The following NCAM1 variants were observed in gnomAD, a reference collection of about 807,000 sequenced individuals.
NCAM1 encodes the protein antigen recognized by monoclonal antibody 5.1H11.
A neutral mutation model predicts 109.8 loss-of-function variants in NCAM1; 14 were observed. The observed-to-expected ratio is 0.13, with a 90% confidence interval of 0.08 to 0.20. The LOEUF (loss-of-function observed/expected upper bound fraction) is 0.20. Among genes scored for constraint, NCAM1 ranks in the 10% least tolerant of loss-of-function variants. The pLI is 1.00. For missense variants in NCAM1, 774 were observed against 1,109.9 expected (o/e 0.70, Z 4.30); for synonymous variants, 418 against 442.9 (o/e 0.94, Z 0.70).
At chr11:113,043,259 A>G (rs1180903493) in intron 1 of NCAM1, among the ~76,000 whole-genome samples, 1 of 152,152 alleles carries the variant, frequency 6.6e-6, no homozygotes, top group Non-Finnish European at 1.5e-5. Context: ...TGTGGTCATC[A>G]ATACAGACCA....
chr11:113,125,014 A>G (rs1941120553), intron 1 of NCAM1, among the ~76,000 whole-genome samples: 1 of 152,248 alleles, frequency 6.6e-6, no homozygotes, highest in African/African-American at 2.4e-5. Flanking sequence ...ATATGAGCAT[A>G]TGTAATGTTT....
intron 4 of NCAM1, 66 bp downstream of exon 4, chr11:113,205,732 T>G: frequency 6.5e-7 from 1 of 1,548,656 alleles, no homozygotes; most frequent in East Asian, 2.3e-5. Context: ...CTTTTTCACC[T>G]GTACTGAGGC....
intron 1 of NCAM1, among the ~76,000 whole-genome samples, chr11:113,174,006 T>G (rs11214529): frequency 0.093 from 14,116 of 152,160 alleles, 934 homozygotes; most frequent in East Asian, 0.27. Flanking sequence ...ATGTTACCTT[T>G]GTCATTGTGT....
Position 113,099,755 on chromosome 11 carries a change from C to T in NCAM1, c.53-102624C>T, listed in dbSNP as rs543705046. 7.4e-4 allele frequency among the ~76,000 whole-genome samples: 112 copies of T among 152,172 alleles called. 2 individuals carry two copies. The highest frequency in any genetic ancestry group is 2.6e-3 in the African/African-American group (107 of 41,498). On this transcript the variant is annotated intron_variant, in intron 1 of 19. Transcript: ENST00000316851. ...CTAGGCTGGAGTGTAGTGGTGTGAT[C>T]TCAGCTCACTGCGACCTCCGCCTCC... is the stretch of plus-strand genomic sequence containing the variant.
At chr11:113,067,524 T>C (rs1555084437) in intron 1 of NCAM1, among the ~76,000 whole-genome samples, 1 of 152,242 alleles carries the variant, frequency 6.6e-6, no homozygotes, top group Admixed American at 6.5e-5. Context: ...CATTAGTGTT[T>C]AATTCAATGA....
intron 1 of NCAM1, among the ~76,000 whole-genome samples, chr11:113,139,956 CTTAGAG>C (rs1490571996): frequency 6.6e-6 from 1 of 152,160 alleles, no homozygotes; most frequent in African/African-American, 2.4e-5. Flanking sequence ...ATTGTAACAT[CTTAGAG>C]TTAGAAATTC....
intron 1 of NCAM1, among the ~76,000 whole-genome samples, chr11:113,081,069 C>T (rs1555087082): frequency 6.6e-6 from 1 of 152,150 alleles, no homozygotes; most frequent in Non-Finnish European, 1.5e-5. Context: ...ATTTAGTTCT[C>T]TCAACATCAG....
intron 1 of NCAM1, among the ~76,000 whole-genome samples, chr11:112,964,402 C>T (rs1237027130): frequency 6.6e-6 from 1 of 151,912 alleles, no homozygotes; most frequent in Non-Finnish European, 1.5e-5. Flanking sequence ...AAGAATTGTT[C>T]GCTTGAACGA....
chr11:113,097,065 G>A (rs1431735950), intron 1 of NCAM1, among the ~76,000 whole-genome samples: 1 of 152,126 alleles, frequency 6.6e-6, no homozygotes, highest in Non-Finnish European at 1.5e-5. Context: ...GGAAAGTCTT[G>A]CAAGACGGCA....
At chr11:113,129,260 A>G (rs1396742180) in intron 1 of NCAM1, among the ~76,000 whole-genome samples, 3 of 152,182 alleles carry the variant, frequency 2.0e-5, no homozygotes, top group Admixed American at 6.5e-5. Flanking sequence ...GATATTTTCA[A>G]TAAAAATCTC....
intron 1 of NCAM1, among the ~76,000 whole-genome samples, chr11:112,995,582 G>A (rs539278307): frequency 3.3e-5 from 5 of 152,324 alleles, no homozygotes; most frequent in African/African-American, 1.2e-4. Flanking sequence ...GCTATTTTGA[G>A]CAGAGATTAA....
intron 1 of NCAM1, among the ~76,000 whole-genome samples, chr11:113,067,834 T>C (rs192635165): frequency 1.6e-4 from 25 of 152,238 alleles, no homozygotes; most frequent in Non-Finnish European, 1.3e-4. Flanking sequence ...GCTGTCTCTA[T>C]TGGGAGACTT....
rs536034312 is a variant in NCAM1, at chr11:113,030,263, G to A, written c.52+68599G>A. On this transcript the variant is annotated intron_variant, in intron 1 of 19. Transcript: ENST00000316851. ...AAGTGCTTGTTATTGTTACTAAAGT[G>A]TATGGTTTCAGCCATCCTCCTGGCT... Among the ~76,000 whole-genome samples the A allele has an allele frequency of 6.6e-5, 10 of 152,264 alleles. No individual in the cohort carries two copies. In the South Asian group the frequency reaches 1.0e-3, roughly 16 times the overall value.
chr11:112,973,855 C>A (rs1206754361), intron 1 of NCAM1, among the ~76,000 whole-genome samples: 4 of 152,074 alleles, frequency 2.6e-5, no homozygotes, highest in Non-Finnish European at 5.9e-5. Flanking sequence ...TGAATTGCAA[C>A]TGAGTTGGAA....
chr11:113,219,492 C>A (rs948344899), intron 8 of NCAM1, among the ~76,000 whole-genome samples: 5 of 152,210 alleles, frequency 3.3e-5, no homozygotes, highest in African/African-American at 9.6e-5. Flanking sequence ...CAACCTAGAA[C>A]AATTTTTGGA....
intron 1 of NCAM1, among the ~76,000 whole-genome samples, chr11:113,053,955 G>A (rs1276213040): frequency 6.6e-6 from 1 of 152,158 alleles, no homozygotes; most frequent in African/African-American, 2.4e-5. Context: ...CTAGGCAGGG[G>A]TGGACTTGGG....
intron 1 of NCAM1, among the ~76,000 whole-genome samples, chr11:113,112,431 T>A (rs1555093903): frequency 6.6e-6 from 1 of 152,166 alleles, no homozygotes; most frequent in African/African-American, 2.4e-5. Context: ...ATTACCTCTG[T>A]TTCAAAAATG....
chr11:113,206,278 C>G, intron 5 of NCAM1, 98 bp downstream of exon 5: 1 of 1,284,020 alleles, frequency 7.8e-7, no homozygotes, highest in Non-Finnish European at 1.1e-6. Flanking sequence ...AAATTAAATC[C>G]TGTCCTGACT....
At chr11:113,116,770 G>A (rs1940732856) in intron 1 of NCAM1, among the ~76,000 whole-genome samples, 1 of 151,410 alleles carries the variant, frequency 6.6e-6, no homozygotes, top group Non-Finnish European at 1.5e-5. Flanking sequence ...CATTCTTCAA[G>A]AGGCTCTTTC....
Sources: allele counts gnomAD v4.1 joint callset (sites outside exome capture counted in the v4.1 genomes callset), GRCh38; gene constraint gnomAD v4.1.1; transcripts MANE v1.5; gene names NCBI Gene and HGNC (gene_info 2026-07-23, HGNC 2026-07-21).